TSC22D1: variants seen among roughly 807,000 people sequenced by gnomAD.
TSC22D1 encodes TSC22 domain family member 1, also known as TSC22 domain family protein 1.
TSC22D1 carries 9 observed loss-of-function variants against 74.2 expected under a neutral mutation model. The ratio of observed to expected loss-of-function variants is 0.12; its 90% CI spans 0.07 to 0.21. The LOEUF (loss-of-function observed/expected upper bound fraction) is 0.21. Among genes scored for constraint, TSC22D1 ranks in the 10% least tolerant of loss-of-function variants. The pLI is 1.00. For missense variants in TSC22D1, 1,427 were observed against 1,304.7 expected, an observed-to-expected ratio of 1.09 and a Z score of -1.44; for synonymous variants, 586 against 492.5, an observed-to-expected ratio of 1.19 and a Z score of -2.51.
chr13:44,526,094 C>T (rs1178216981), intron 1 of TSC22D1, among the ~76,000 whole-genome samples: 1 of 151,956 alleles, frequency 6.6e-6, no homozygotes, highest in African/African-American at 2.4e-5. Context: ...AGAGTGAGAC[C>T]CTGTCTCAAA....
intron 1 of TSC22D1, among the ~76,000 whole-genome samples, chr13:44,530,315 A>G (rs1880763544): frequency 6.6e-6 from 1 of 152,192 alleles, no homozygotes; most frequent in South Asian, 2.1e-4. Flanking sequence ...TCTTCAACAA[A>G]TGGTGCTGGA....
chr13:44,444,888 C>A (rs1875512461), intron 1 of TSC22D1, among the ~76,000 whole-genome samples: 1 of 152,082 alleles, frequency 6.6e-6, no homozygotes, highest in South Asian at 2.1e-4. Context: ...CTTGAATAGT[C>A]CTGTATCTAT....
intron 1 of TSC22D1, among the ~76,000 whole-genome samples, chr13:44,467,919 T>C (rs1047280154): frequency 9.9e-5 from 15 of 152,104 alleles, no homozygotes; most frequent in Non-Finnish European, 2.1e-4. Flanking sequence ...AGAGTCATTA[T>C]ATAAAAAAGA....
chr13:44,570,249 G>A (rs1393686469), intron 1 of TSC22D1, among the ~76,000 whole-genome samples: 1 of 149,862 alleles, frequency 6.7e-6, no homozygotes, highest in African/African-American at 2.5e-5. Context: ...GGAGTGCAGT[G>A]GCATGATCCC....
rs566673134 is a variant in TSC22D1 at position 44,562,962 on chromosome 13, G to A, written c.2912+10201C>T. Among the ~76,000 whole-genome samples the A allele has an allele frequency of 2.3e-4, 35 of 152,112 alleles. No homozygotes were observed. The South Asian group carries it at 4.8e-3, about 21-fold the overall frequency. The stretch of plus-strand genomic sequence containing the variant: ...CTCTACTAAATACAAAAAATTAGCC[G>A]ATCATGGTGGTGCATTCCTGTAATC... On this transcript the variant is annotated intron_variant, in intron 1 of 2. Transcript: ENST00000458659.
At chr13:44,487,012 T>TA (rs539942405) in intron 1 of TSC22D1, among the ~76,000 whole-genome samples, 69 of 148,790 alleles carry the variant, frequency 4.6e-4, no homozygotes, top group African/African-American at 6.9e-4. Flanking sequence ...TTAGGAAATG[T>TA]AAAAAAAAAA....
intron 1 of TSC22D1, among the ~76,000 whole-genome samples, chr13:44,485,714 G>A (rs1566135030): frequency 6.6e-6 from 1 of 152,012 alleles, no homozygotes; most frequent in East Asian, 1.9e-4. Flanking sequence ...CCATTAGAAA[G>A]GTCTGAGTTA....
intron 1 of TSC22D1, among the ~76,000 whole-genome samples, chr13:44,525,985 C>T (rs1410040505): frequency 1.3e-5 from 2 of 151,912 alleles, no homozygotes; most frequent in African/African-American, 4.8e-5. Flanking sequence ...GCCTGCAGTC[C>T]CAGCTCCTCA....
Position 44,576,196 on chromosome 13 carries a change from TCTC to T in TSC22D1, c.-125_-123del, listed in dbSNP as rs924473922. On this transcript the variant is annotated 5_prime_UTR_variant, in exon 1 of 3. Transcript: ENST00000458659. ...CGCTCCGCCTGGCGCGATTCCTCCT[TCTC>T]CTCCTCCTCAGCCAAAGGCGCCGGT... is the stretch of plus-strand genomic sequence containing the variant. The T allele has an allele frequency of 4.1e-5, 55 of 1,351,122 alleles. No homozygotes were observed. Among genetic ancestry groups the T allele is most frequent in the Non-Finnish European group, 4.2e-5 (43 of 1,026,616 alleles). The allele number at this position is 1,351,122 out of a possible 1,614,324, so 83.7% of individuals were successfully genotyped here. A position where few individuals can be genotyped will look rare whatever the true frequency, so the allele number is the denominator to read the frequency against.
At position 44,432,418 on chromosome 13, in the gene TSC22D1, G is replaced by T. The variant is rs993790430; in HGVS notation, c.*2208C>A. 1 of 152,154 alleles carries T rather than the reference G, an allele frequency of 6.6e-6. No homozygotes were observed. Among genetic ancestry groups the T allele is most frequent in the Admixed American group, 6.5e-5 (1 of 15,286 alleles). 9.4% of individuals were successfully genotyped at this position (152,154 alleles called of 1,614,324 possible). A position where few individuals can be genotyped will look rare whatever the true frequency, so the allele number is the denominator to read the frequency against. Reference sequence around the variant, plus strand: ...TTTTTCAAGGAAATGTAATTACTACGTAAGTATTCCTTTATTAAATTTGAA... The same window carrying T: ...TTTTTCAAGGAAATGTAATTACTACTTAAGTATTCCTTTATTAAATTTGAA... On this transcript the variant is annotated 3_prime_UTR_variant, in exon 3 of 3. Coordinates refer to ENST00000458659, the MANE Select transcript of TSC22D1 (RefSeq NM_183422.4).
chr13:44,456,000 G>A (rs61949795), intron 1 of TSC22D1, among the ~76,000 whole-genome samples: 11,757 of 152,176 alleles, frequency 0.077, 570 homozygotes, highest in Non-Finnish European at 0.1. Context: ...AAAAGTACAA[G>A]GTGCAGACAA....
Position 44,573,727 on chromosome 13 carries a change from C to T in TSC22D1, c.2348G>A (p.Ser783Asn), listed in dbSNP as rs1357220260. 3.1e-6 allele frequency: 5 copies of T among 1,614,080 alleles called. No homozygotes were observed. The African/African-American group carries it at 5.3e-5, about 17-fold the overall frequency. ...IHQGVQTSAP[S>N]LPQQLVIASQ... ...TGCAATAACCAATTGTTGAGGAAGGCTTGGAGCACTAGTTTGAACTCCCTG... is the reference window on the plus strand; with the variant it reads ...TGCAATAACCAATTGTTGAGGAAGGTTTGGAGCACTAGTTTGAACTCCCTG... Residue 783 changes from serine to asparagine, a missense_variant, in exon 1 of 3, where the codon AGC becomes AAC. By Grantham distance (46) the Ser-to-Asn change is conservative. Coordinates refer to ENST00000458659, the MANE Select transcript of TSC22D1 (RefSeq NM_183422.4).
chr13:44,503,750 T>C (rs546311622), intron 1 of TSC22D1, among the ~76,000 whole-genome samples: 1 of 152,334 alleles, frequency 6.6e-6, no homozygotes, highest in African/African-American at 2.4e-5. Context: ...ATTTTACATT[T>C]GATGAATATT....
chr13:44,518,149 GC>G, intron 1 of TSC22D1, among the ~76,000 whole-genome samples: 1 of 150,820 alleles, frequency 6.6e-6, no homozygotes, highest in Admixed American at 6.6e-5. Context: ...ACCACCCCTA[GC>G]CCCTTATTTT....
At chr13:44,561,599 T>C (rs1221520403) in intron 1 of TSC22D1, among the ~76,000 whole-genome samples, 1 of 152,214 alleles carries the variant, frequency 6.6e-6, no homozygotes, top group African/African-American at 2.4e-5. Flanking sequence ...AATGACTTAC[T>C]AAACCCAGTA....
At chr13:44,551,389 GGTGTGTGTGTGTGTGT>G (rs376368576) in intron 1 of TSC22D1, among the ~76,000 whole-genome samples, 45 of 125,306 alleles carry the variant, frequency 3.6e-4, no homozygotes, top group African/African-American at 6.5e-4. Context: ...CAATCAGATG[GGTGTGTGTGTGTGTGT>G]GTGTGTGTGT....
intron 1 of TSC22D1, among the ~76,000 whole-genome samples, chr13:44,558,853 G>T (rs1882858104): frequency 6.6e-6 from 1 of 152,162 alleles, no homozygotes; most frequent in Non-Finnish European, 1.5e-5. Context: ...CAGAGATGGA[G>T]GTAGGAAACC....
rs755180397 is a variant in TSC22D1 at position 44,434,041 on chromosome 13, T to G, written c.*585A>C. The G allele has an allele frequency of 2.0e-6, 3 of 1,533,256 alleles. No individual in the cohort carries two copies. Among genetic ancestry groups the G allele is most frequent in the Admixed American group, 2.0e-5 (1 of 49,972 alleles). 95.0% of individuals were successfully genotyped at this position (1,533,256 alleles called of 1,614,324 possible). A position where few individuals can be genotyped will look rare whatever the true frequency, so the allele number is the denominator to read the frequency against. On this transcript the variant is annotated 3_prime_UTR_variant, in exon 3 of 3. Coordinates refer to ENST00000458659, the MANE Select transcript of TSC22D1 (RefSeq NM_183422.4). ...TAGGTCCCAGCTACCTGTCACCATT[T>G]TGTCACTCTCATAGTTTTGTGTCAT...
At chr13:44,562,713 A>G (rs1439022172) in intron 1 of TSC22D1, among the ~76,000 whole-genome samples, 1 of 152,162 alleles carries the variant, frequency 6.6e-6, no homozygotes, top group Non-Finnish European at 1.5e-5. Context: ...CCAATCCTAA[A>G]ATATTCATAT....
Sources: allele counts gnomAD v4.1 joint callset (sites outside exome capture counted in the v4.1 genomes callset), GRCh38; gene constraint gnomAD v4.1.1; transcripts MANE v1.5; gene names NCBI Gene and HGNC (gene_info 2026-07-23, HGNC 2026-07-21).